Variants in SLC6A11 observed in about 807,000 individuals in gnomAD.
The protein encoded by SLC6A11 is solute carrier family 6 member 11.
In SLC6A11, 25 loss-of-function variants were observed where a neutral mutation model predicts 74.8. The observed-to-expected ratio is 0.33, with a 90% CI of 0.24 to 0.47. The LOEUF (loss-of-function observed/expected upper bound fraction) is 0.47, where lower values mean the gene tolerates loss of function less well. SLC6A11 is among the 20% of genes least tolerant of loss of function. SLC6A11 has a pLI of 1.00. For synonymous variants in SLC6A11, 330 were observed against 330.2 expected (o/e 1.00, Z 0.01); for missense variants, 574 against 837.0 (o/e 0.69, Z 3.88).
intron 5 of SLC6A11, among the ~76,000 whole-genome samples, chr3:10,847,559 A>G (rs1180479412): frequency 1.3e-5 from 2 of 152,124 alleles, no homozygotes; most frequent in Non-Finnish European, 2.9e-5. Context: ...TATTTTATGG[A>G]TGAAGAAACT....
intron 6 of SLC6A11, among the ~76,000 whole-genome samples, chr3:10,875,854 C>A (rs1482187371): frequency 6.6e-6 from 1 of 152,162 alleles, no homozygotes; most frequent in Non-Finnish European, 1.5e-5. Context: ...TCTTGGGGAG[C>A]TTTTGAAAAC....
chr3:10,818,085 T>TAA (rs1260801551), intron 1 of SLC6A11, among the ~76,000 whole-genome samples: 11 of 139,326 alleles, frequency 7.9e-5, no homozygotes, highest in African/African-American at 2.6e-4. Flanking sequence ...TTTTTTTTTT[T>TAA]AAAAAAAAAG....
At chr3:10,914,139 G>A (rs537686162) in intron 7 of SLC6A11, among the ~76,000 whole-genome samples, 17 of 152,284 alleles carry the variant, frequency 1.1e-4, no homozygotes, top group South Asian at 8.3e-4. Flanking sequence ...GGCTCGAGTG[G>A]CACCATGCAT....
intron 6 of SLC6A11, among the ~76,000 whole-genome samples, chr3:10,899,738 A>G (rs1041038157): frequency 6.6e-6 from 1 of 152,204 alleles, no homozygotes; most frequent in African/African-American, 2.4e-5. Context: ...CTCCATCAGT[A>G]TGGTGTCATT....
intron 4 of SLC6A11, among the ~76,000 whole-genome samples, chr3:10,843,453 C>A (rs377350074): frequency 1.3e-5 from 2 of 152,158 alleles, no homozygotes; most frequent in Non-Finnish European, 2.9e-5. Flanking sequence ...CACCTAAAAC[C>A]GTCTCCACTT....
intron 12 of SLC6A11, 110 bp from the exon 13 acceptor site, chr3:10,934,919 G>A (rs2124823349): frequency 1.1e-6 from 1 of 949,136 alleles, no homozygotes; most frequent in Non-Finnish European, 1.6e-6. Context: ...AACAGGGCCA[G>A]CTTCCTCCCC....
At chr3:10,884,828 T>G (rs73812311) in intron 6 of SLC6A11, among the ~76,000 whole-genome samples, 2,209 of 152,322 alleles carry the variant, frequency 0.015, 47 homozygotes, top group African/African-American at 0.05. Context: ...ACCTCTACTT[T>G]GGGACAACGT....
At chr3:10,914,690 A>T (rs1160094410) in intron 7 of SLC6A11, among the ~76,000 whole-genome samples, 2 of 152,136 alleles carry the variant, frequency 1.3e-5, no homozygotes, top group East Asian at 3.9e-4. Context: ...TGAGAAGTAA[A>T]GCTCTTTGTC....
Position 10,819,563 on chromosome 3 carries a change from A to G in SLC6A11, c.355A>G (p.Ile119Val), listed in dbSNP as rs1338209544. ...GGGGCAGTTCACAAGTGAAGGTGGC[A>G]TTACGTGTTGGAGGAAAGTTTGCCC... The part of the protein sequence containing the change: ...ALGQFTSEGG[I>V]TCWRKVCPLF... The change falls in exon 2 of 14, where the codon ATT (isoleucine) becomes GTT (valine). Residue 119 changes from isoleucine to valine, a missense_variant. Around this residue, in one of 4 missense-constraint regions of SLC6A11, gnomAD observed 215 missense variants for 357.9 expected, o/e 0.60. Coordinates refer to ENST00000254488, the MANE Select transcript of SLC6A11 (RefSeq NM_014229.3). 1 of 1,614,138 alleles carries G rather than the reference A, an allele frequency of 6.2e-7. No individual in the cohort carries two copies. The highest frequency in any genetic ancestry group is 1.1e-5 in the South Asian group (1 of 91,070).
intron 5 of SLC6A11, among the ~76,000 whole-genome samples, chr3:10,848,919 A>G (rs1301381001): frequency 2.0e-5 from 3 of 152,218 alleles, no homozygotes; most frequent in Non-Finnish European, 4.4e-5. Flanking sequence ...CCCACTTGGA[A>G]GGAGCCAAGC....
At chr3:10,821,229 A>G (rs1694134487) in intron 3 of SLC6A11, among the ~76,000 whole-genome samples, 1 of 152,190 alleles carries the variant, frequency 6.6e-6, no homozygotes, top group African/African-American at 2.4e-5. Context: ...TTTTGAGGAT[A>G]CTCTAAAAAT....
rs1199780922 is a variant in SLC6A11 at position 10,816,767 on chromosome 3, G to A, written c.256+246G>A. Among the ~76,000 whole-genome samples the A allele has an allele frequency of 1.3e-5, 2 of 152,236 alleles. No homozygotes were observed. The highest frequency in any genetic ancestry group is 1.3e-4 in the Admixed American group (2 of 15,292). ...CAGCGCGGGGACTTGCCCGCGTTCT[G>A]TCCCCAGCATGAGATGCAGACCGAG... On this transcript the variant is annotated intron_variant, in intron 1 of 13. Coordinates refer to ENST00000254488, the MANE Select transcript of SLC6A11 (RefSeq NM_014229.3). This position sits in a 1 kb window ranked among gnomAD's most constrained non-coding sequence, Gnocchi z 4.2.
chr3:10,838,811 A>G (rs1694400906), intron 4 of SLC6A11, among the ~76,000 whole-genome samples: 1 of 152,166 alleles, frequency 6.6e-6, no homozygotes. Flanking sequence ...CTCATCCATG[A>G]AATGGGTATA....
intron 6 of SLC6A11, among the ~76,000 whole-genome samples, chr3:10,879,902 G>A (rs1021166879): frequency 7.2e-5 from 11 of 152,048 alleles, no homozygotes; most frequent in African/African-American, 1.7e-4. Flanking sequence ...CAGATTTTCA[G>A]ATTAGACATA....
intron 4 of SLC6A11, chr3:10,825,381 G>GT (rs1057068641): frequency 1.3e-5 from 2 of 151,982 alleles, no homozygotes; most frequent in Admixed American, 6.6e-5. Context: ...TGTTTTGTCT[G>GT]TTTTTTGCTA....
chr3:10,838,858 A>G (rs951003421), intron 4 of SLC6A11, among the ~76,000 whole-genome samples: 2 of 152,202 alleles, frequency 1.3e-5, no homozygotes, highest in African/African-American at 4.8e-5. Context: ...TGAGGACTGA[A>G]TGAAGCGAGA....
intron 9 of SLC6A11, among the ~76,000 whole-genome samples, chr3:10,927,725 A>G (rs1372942067): frequency 6.6e-6 from 1 of 152,032 alleles, no homozygotes; most frequent in African/African-American, 2.4e-5. Context: ...TCCCAGCCCC[A>G]TGACTTGCCA....
chr3:10,936,554 A>G (rs1334886523), intron 13 of SLC6A11, among the ~76,000 whole-genome samples: 3 of 125,376 alleles, frequency 2.4e-5, no homozygotes, highest in Admixed American at 2.2e-4. Context: ...CCTGGGCTCC[A>G]GAAATAGTCA....
At chr3:10,846,976 C>T (rs1012958981) in intron 5 of SLC6A11, among the ~76,000 whole-genome samples, 2 of 152,134 alleles carry the variant, frequency 1.3e-5, no homozygotes, top group African/African-American at 2.4e-5. Flanking sequence ...TCCTTTTTCT[C>T]GTCTCTGGTA....
Sources: gnomAD v4.1 joint callset for allele counts (sites outside exome capture counted in the v4.1 genomes callset) on GRCh38, gnomAD v4.1.1 for gene constraint, gnomAD v4.1.1 regional missense constraint, Gnocchi (gnomAD v3.1) non-coding constraint, MANE v1.5 for transcripts, NCBI Gene and HGNC (gene_info 2026-07-23, HGNC 2026-07-21) for gene names.